The following AFF2 variants were observed in gnomAD, a reference collection of about 807,000 sequenced individuals.
The protein encoded by AFF2 is AF4/FMR2 family member 2.
A neutral mutation model predicts 76.9 loss-of-function variants in AFF2; 14 were observed. The observed-to-expected ratio is 0.18, with a 90% CI of 0.12 to 0.28. The LOEUF (loss-of-function observed/expected upper bound fraction) is 0.28. Among genes scored for constraint, AFF2 ranks in the 10% least tolerant of loss-of-function variants. The pLI, the probability that AFF2 is intolerant of heterozygous loss-of-function variation, is 1.00. For missense variants in AFF2, 868 were observed against 1,001.1 expected (o/e 0.87, Z 1.79); for synonymous variants, 398 against 366.7 (o/e 1.09, Z -0.98).
At chrX:148,719,353 T>G (rs1409331543) in intron 3 of AFF2, 1 of 456,959 alleles carries the variant, frequency 2.2e-6, no homozygotes, top group Non-Finnish European at 3.7e-6. Flanking sequence ...CTTAAAGCTA[T>G]CCAAAGCACT....
intron 1 of AFF2, among the ~76,000 whole-genome samples, chrX:148,521,367 C>T (rs1225532983): frequency 2.2e-5 from 2 of 90,277 alleles, no homozygotes; most frequent in Non-Finnish European, 4.3e-5. Context: ...CTGAAAAGCA[C>T]GTGCATGCAC....
At chrX:148,675,049 T>C (rs5980569) in intron 3 of AFF2, among the ~76,000 whole-genome samples, 6,786 of 111,660 alleles carry the variant, frequency 0.061, 511 homozygotes, top group African/African-American at 0.21. Flanking sequence ...GTGTTAGGTG[T>C]CCATGTGTCT....
At chrX:148,622,591 A>G (rs782339856) in intron 1 of AFF2, among the ~76,000 whole-genome samples, 1 of 111,687 alleles carries the variant, frequency 9.0e-6, no homozygotes, top group Non-Finnish European at 1.9e-5. Context: ...GGCCAACTTG[A>G]TATCTGCAGT....
chrX:148,747,260 G>A (rs1569554791), intron 3 of AFF2, among the ~76,000 whole-genome samples: 3 of 111,012 alleles, frequency 2.7e-5, no homozygotes, highest in South Asian at 7.6e-4. Flanking sequence ...ATCATCTTTT[G>A]CGCTAGGCTG....
chrX:148,501,860 C>T (rs1202954376), intron 1 of AFF2, among the ~76,000 whole-genome samples: 2 of 112,227 alleles, frequency 1.8e-5, no homozygotes, highest in Non-Finnish European at 3.8e-5. Flanking sequence ...CCCCTTCGGC[C>T]TCCCACTGGG....
At chrX:148,684,292 G>A (rs2054579321) in intron 3 of AFF2, among the ~76,000 whole-genome samples, 2 of 111,813 alleles carry the variant, frequency 1.8e-5, no homozygotes, top group Non-Finnish European at 3.8e-5. Context: ...TTTCAAATTA[G>A]AAATAGTTAG....
At chrX:148,637,764 A>G (rs1423406993) in intron 1 of AFF2, among the ~76,000 whole-genome samples, 1 of 112,587 alleles carries the variant, frequency 8.9e-6, no homozygotes, top group East Asian at 2.8e-4. Flanking sequence ...GTACATCTTA[A>G]TACAGACTAA....
At chrX:148,802,480 CT>C (rs2070072549) in intron 3 of AFF2, among the ~76,000 whole-genome samples, 1 of 112,026 alleles carries the variant, frequency 8.9e-6, no homozygotes, top group South Asian at 3.7e-4. Context: ...TTGTAATGCC[CT>C]TATTGATAAA....
chrX:148,510,101 G>T (rs2052466717), intron 1 of AFF2, among the ~76,000 whole-genome samples: 1 of 111,719 alleles, frequency 9.0e-6, no homozygotes, highest in Non-Finnish European at 1.9e-5. Flanking sequence ...ATGAGAATGT[G>T]TCTTTTATTT....
chrX:148,936,723 T>A (rs1395935347), intron 9 of AFF2, among the ~76,000 whole-genome samples: 1 of 112,578 alleles, frequency 8.9e-6, no homozygotes, highest in Non-Finnish European at 1.9e-5. Flanking sequence ...GGTTAGTCAC[T>A]GTGGGAAACG....
chrX:148,567,750 G>T (rs1450991619), intron 1 of AFF2, among the ~76,000 whole-genome samples: 2 of 111,812 alleles, frequency 1.8e-5, no homozygotes, highest in Admixed American at 9.5e-5. Flanking sequence ...TCAGCCCATT[G>T]TTCTTTAATT....
intron 9 of AFF2, among the ~76,000 whole-genome samples, chrX:148,942,598 C>T (rs1449941886): frequency 1.8e-5 from 2 of 110,617 alleles, no homozygotes; most frequent in East Asian, 5.7e-4. Flanking sequence ...GGGTGAATCA[C>T]GAGGTCAGGA....
At chrX:148,865,093 A>C (rs782358558) in intron 7 of AFF2, among the ~76,000 whole-genome samples, 69 of 112,568 alleles carry the variant, frequency 6.1e-4, no homozygotes, top group Non-Finnish European at 9.6e-4. Flanking sequence ...GAATAATGTG[A>C]AATAACTTTA....
intron 3 of AFF2, among the ~76,000 whole-genome samples, chrX:148,683,634 T>C (rs2054571906): frequency 8.9e-6 from 1 of 111,948 alleles, no homozygotes; most frequent in Non-Finnish European, 1.9e-5. Flanking sequence ...AAAGTACATA[T>C]TTCTGGCCTT....
At chrX:148,586,321 A>G (rs1451112247) in intron 1 of AFF2, among the ~76,000 whole-genome samples, 1 of 112,322 alleles carries the variant, frequency 8.9e-6, no homozygotes, top group Admixed American at 9.4e-5. Context: ...GGCAACGTTT[A>G]TATTACCAGA....
chrX:148,980,064 G>A (rs2072373644), intron 18 of AFF2, among the ~76,000 whole-genome samples: 1 of 111,865 alleles, frequency 8.9e-6, no homozygotes, highest in Admixed American at 9.5e-5. Flanking sequence ...TAGTGGTAAT[G>A]CTGAATGTCA....
At chrX:148,583,736 T>G (rs1557245429) in intron 1 of AFF2, among the ~76,000 whole-genome samples, 1 of 112,042 alleles carries the variant, frequency 8.9e-6, no homozygotes, top group East Asian at 2.8e-4. Context: ...CATTCTTTCT[T>G]TTTCCTTTTC....
intron 3 of AFF2, among the ~76,000 whole-genome samples, chrX:148,689,302 C>T (rs1430357089): frequency 4.5e-5 from 5 of 111,605 alleles, no homozygotes; most frequent in Non-Finnish European, 9.4e-5. Context: ...AAAACAGTGA[C>T]ATTCTGAGGC....
intron 12 of AFF2, 73 bp downstream of exon 12, chrX:148,958,531 G>C: frequency 8.9e-7 from 1 of 1,129,152 alleles, no homozygotes; most frequent in Non-Finnish European, 1.2e-6. Context: ...AATTGAACCT[G>C]TTTGGGGGAT....
Sources: gnomAD v4.1 joint callset for allele counts (sites outside exome capture counted in the v4.1 genomes callset) on GRCh38, gnomAD v4.1.1 for gene constraint, MANE v1.5 for transcripts, NCBI Gene and HGNC (gene_info 2026-07-23, HGNC 2026-07-21) for gene names.